The following RUNX1T1 variants were observed in gnomAD, a reference collection of about 807,000 sequenced individuals.
The protein encoded by RUNX1T1 is protein CBFA2T1.
In RUNX1T1, 4 loss-of-function variants were observed where a neutral mutation model predicts 62.8. The observed-to-expected ratio is 0.06, with a 90% CI of 0.03 to 0.15. The LOEUF is 0.15. Ranked by LOEUF, RUNX1T1 falls within the 10% of genes least tolerant of loss-of-function variation. The pLI, the probability that RUNX1T1 is intolerant of heterozygous loss-of-function variation, is 1.00. For synonymous variants in RUNX1T1, 291 were observed against 286.0 expected (o/e 1.02, Z -0.18); for missense variants, 508 against 754.3 (o/e 0.67, Z 3.82).
At chr8:92,089,595 C>A (rs1836660761) in intron 1 of RUNX1T1, among the ~76,000 whole-genome samples, 1 of 152,076 alleles carries the variant, frequency 6.6e-6, no homozygotes, top group Admixed American at 6.5e-5. Flanking sequence ...TCACTCCCAC[C>A]CCTAGGCGCT....
intron 1 of RUNX1T1, among the ~76,000 whole-genome samples, chr8:92,060,034 T>G (rs2130559757): frequency 6.6e-6 from 1 of 152,264 alleles, no homozygotes; most frequent in South Asian, 2.1e-4. Flanking sequence ...GATAATATTA[T>G]ACAAAGATTC....
intron 5 of RUNX1T1, 137 bp downstream of exon 6, chr8:92,004,979 C>G (rs568813887): frequency 2.7e-6 from 2 of 737,276 alleles, no homozygotes; most frequent in African/African-American, 3.6e-5. Context: ...GCCAGATTCT[C>G]AAGATGGCCA....
Position 92,012,962 on chromosome 8 carries a change from T to C in RUNX1T1, c.387+1617A>G, listed in dbSNP as rs544194153. Among the ~76,000 whole-genome samples the C allele has an allele frequency of 2.0e-5, 3 of 152,256 alleles. No homozygotes were observed. In the East Asian group the frequency reaches 5.8e-4, roughly 29 times the overall value. On this transcript the variant is annotated intron_variant, in intron 3 of 10. Coordinates refer to ENST00000396218, the Ensembl canonical transcript of RUNX1T1. The stretch of plus-strand genomic sequence containing the variant: ...TTTTTAAAAGTATTTCACGCAAAAG[T>C]ATGCCACTTGGGAAAAATCTACTTA...
At chr8:92,031,326 C>A (rs959887157) in intron 1 of RUNX1T1, among the ~76,000 whole-genome samples, 1 of 152,138 alleles carries the variant, frequency 6.6e-6, no homozygotes, top group African/African-American at 2.4e-5. Context: ...GTACTCAAAT[C>A]ATTACAAACA....
intron 1 of RUNX1T1, among the ~76,000 whole-genome samples, chr8:92,093,004 C>A (rs1160042855): frequency 1.3e-5 from 2 of 152,124 alleles, no homozygotes; most frequent in African/African-American, 4.8e-5. Flanking sequence ...AACAGCTCTT[C>A]AAATCCCGCA....
intron 3 of RUNX1T1, among the ~76,000 whole-genome samples, chr8:92,012,254 T>C (rs1822093373): frequency 1.3e-5 from 2 of 152,194 alleles, no homozygotes; most frequent in South Asian, 4.1e-4. Context: ...AAAAGGACAG[T>C]ACTTCCGGTC....
chr8:92,037,550 G>A (rs959748166), intron 1 of RUNX1T1, among the ~76,000 whole-genome samples: 3 of 152,130 alleles, frequency 2.0e-5, no homozygotes, highest in Non-Finnish European at 4.4e-5. Context: ...ATGGTGGCAT[G>A]CATCTGTAGT....
At chr8:92,067,670 CTT>C (rs1308025012), upstream of RUNX1T1, among the ~76,000 whole-genome samples, 1 of 152,092 alleles carries the variant, frequency 6.6e-6, no homozygotes, top group African/African-American at 2.4e-5. Flanking sequence ...ACAATGTCCT[CTT>C]ATACATGAAT....
At chr8:91,960,232 G>A (rs767596543) in exon 11 of RUNX1T1, 15 of 1,605,450 alleles carry the variant, frequency 9.3e-6, no homozygotes, top group Non-Finnish European at 8.5e-6. Context: ...CGACAGTTCT[G>A]AGTTCACGTC....
chr8:92,037,945 G>A (rs146543182), intron 1 of RUNX1T1, among the ~76,000 whole-genome samples: 11 of 152,130 alleles, frequency 7.2e-5, no homozygotes, highest in African/African-American at 2.2e-4. Context: ...CAACATCAAT[G>A]TCACCTTCTC....
intron 1 of RUNX1T1, among the ~76,000 whole-genome samples, chr8:92,050,548 G>A (rs372051051): frequency 3.3e-5 from 5 of 152,020 alleles, no homozygotes; most frequent in Non-Finnish European, 5.9e-5. Context: ...CCCTTTCAAC[G>A]GATGAGAAAC....
chr8:92,031,722 G>A (rs762946384), intron 1 of RUNX1T1, among the ~76,000 whole-genome samples: 17 of 151,854 alleles, frequency 1.1e-4, no homozygotes, highest in Non-Finnish European at 1.5e-4. Context: ...CTCCTGCCTC[G>A]GCCTTCCAAA....
chr8:92,044,802 C>A (rs1829098481), intron 1 of RUNX1T1, among the ~76,000 whole-genome samples: 1 of 152,078 alleles, frequency 6.6e-6, no homozygotes, highest in Non-Finnish European at 1.5e-5. Flanking sequence ...AAAATCATAC[C>A]TAGTTTTGTT....
chr8:92,083,071 T>C (rs1835531042), intron 1 of RUNX1T1, among the ~76,000 whole-genome samples: 1 of 152,210 alleles, frequency 6.6e-6, no homozygotes, highest in Non-Finnish European at 1.5e-5. Flanking sequence ...AAATTTTGCT[T>C]ATAATTTCAA....
At chr8:91,960,278 C>G in exon 11 of RUNX1T1, 1 of 1,609,502 alleles carries the variant, frequency 6.2e-7, no homozygotes, top group Non-Finnish European at 8.5e-7. Flanking sequence ...AAGGGGTTCC[C>G]GGGGTGGTTG....
intron 10 of RUNX1T1, among the ~76,000 whole-genome samples, chr8:91,966,116 A>C (rs1811543683): frequency 6.8e-6 from 1 of 148,028 alleles, no homozygotes; most frequent in Non-Finnish European, 1.5e-5. Context: ...ATATATATAT[A>C]TTTATAAAAT....
downstream of RUNX1T1, chr8:91,955,004 G>C (rs1481712264): frequency 1.0e-5 from 2 of 198,242 alleles, no homozygotes; most frequent in Admixed American, 6.0e-5. Flanking sequence ...ATTCACCTTG[G>C]AATAAGGGTA....
intron 1 of RUNX1T1, among the ~76,000 whole-genome samples, chr8:92,082,634 A>C (rs1835450807): frequency 6.6e-6 from 1 of 152,192 alleles, no homozygotes; most frequent in South Asian, 2.1e-4. Context: ...TTTCCTGAAG[A>C]AAAAACAGTG....
At chr8:92,075,532 C>CCTTT (rs879618902) in intron 2 of RUNX1T1, among the ~76,000 whole-genome samples, 3 of 152,158 alleles carry the variant, frequency 2.0e-5, no homozygotes, top group Non-Finnish European at 4.4e-5. Flanking sequence ...AAATAATAAA[C>CCTTT]TGAAAGGCAG....
Sources: allele counts gnomAD v4.1 joint callset (sites outside exome capture counted in the v4.1 genomes callset), GRCh38; gene constraint gnomAD v4.1.1; transcripts MANE v1.5; gene names NCBI Gene and HGNC (gene_info 2026-07-23, HGNC 2026-07-21).